Variants in PHF5A observed in about 807,000 individuals in gnomAD.
PHF5A encodes PHD finger protein 5A.
For missense variants in PHF5A, 24 were observed against 140.6 expected (o/e 0.17, Z 4.19); for synonymous variants, 52 against 46.0 (o/e 1.13, Z -0.52).
intron 3 of PHF5A, among the ~76,000 whole-genome samples, chr22:41,460,915 G>A (rs1234418357): frequency 2.0e-5 from 3 of 152,070 alleles, no homozygotes; most frequent in Non-Finnish European, 2.9e-5. Context: ...GCTCATGCCT[G>A]TAATCCCAGC....
rs754510856 is a variant in PHF5A at position 41,468,680 on chromosome 22, A to G, written c.-27T>C. The G allele has an allele frequency of 3.7e-6, 6 of 1,612,964 alleles. No homozygotes were observed. The South Asian group carries it at 6.6e-5, about 18-fold the overall frequency. On this transcript the variant is annotated 5_prime_UTR_variant, in exon 1 of 4. Transcript: ENST00000216252. The stretch of plus-strand genomic sequence containing the variant: ...GCTCCTAACTAAGCCGGCCACCGGA[A>G]GCTTCGGGAACTTCCGTCCGACCTT...
At position 41,459,907 on chromosome 22, in the gene PHF5A, C is replaced by G. The variant is rs1286291602; in HGVS notation, c.*491G>C. ...TCAAGAGGGCAGAGCCCTGCCCCCC[C>G]ACCCCCCCCCCAAAAAAAACGGGAA... On this transcript the variant is annotated 3_prime_UTR_variant, in exon 4 of 4. Transcript: ENST00000216252. 2.1e-5 allele frequency: 1 copy of G among 48,682 alleles called. No homozygotes were observed. Among genetic ancestry groups the G allele is most frequent in the South Asian group, 9.1e-4 (1 of 1,096 alleles). The allele number at this position is 48,682 out of a possible 1,614,324, so 3.0% of individuals were successfully genotyped here. A position where few individuals can be genotyped will look rare whatever the true frequency, so the allele number is the denominator to read the frequency against.
In PHF5A at chr22:41,460,235, G is replaced by C. The variant is rs1296965119; in HGVS notation, c.*163C>G. ...AAGAATCCTTTTCCATCCCTACCAC[G>C]TGTCTGGGTGAAGGGAGAGGAGGGG... On this transcript the variant is annotated 3_prime_UTR_variant, in exon 4 of 4. Coordinates refer to ENST00000216252, the MANE Select transcript of PHF5A (RefSeq NM_032758.4). 1.8e-6 allele frequency: 1 copy of C among 568,074 alleles called. No individual in the cohort carries two copies. Among genetic ancestry groups the C allele is most frequent in the Admixed American group, 2.6e-5 (1 of 38,058 alleles). The allele number at this position is 568,074 out of a possible 1,614,324, so 35.2% of individuals were successfully genotyped here.
chr22:41,463,907 A>G, intron 3 of PHF5A, among the ~76,000 whole-genome samples: 1 of 151,530 alleles, frequency 6.6e-6, no homozygotes, highest in East Asian at 1.9e-4. Flanking sequence ...AAAAAAAAAG[A>G]GTCAGACCAC....
intron 3 of PHF5A, among the ~76,000 whole-genome samples, chr22:41,461,885 T>C (rs1235486276): frequency 6.6e-6 from 1 of 152,114 alleles, no homozygotes; most frequent in African/African-American, 2.4e-5. Flanking sequence ...ATGGTCTTGA[T>C]CTCTTGACCT....
At chr22:41,466,356 A>G (rs770788164) in intron 3 of PHF5A, among the ~76,000 whole-genome samples, 19 of 152,204 alleles carry the variant, frequency 1.2e-4, no homozygotes, top group African/African-American at 1.7e-4. Context: ...GTGTCAAGGG[A>G]CAAAAAAAAT....
intron 3 of PHF5A, among the ~76,000 whole-genome samples, chr22:41,461,905 C>T (rs2146059716): frequency 6.6e-6 from 1 of 152,348 alleles, no homozygotes; most frequent in East Asian, 1.9e-4. Flanking sequence ...TCCTGATCCA[C>T]TCACCTCGGC....
intron 3 of PHF5A, among the ~76,000 whole-genome samples, chr22:41,465,338 T>C (rs1477731977): frequency 6.6e-6 from 1 of 151,984 alleles, no homozygotes; most frequent in African/African-American, 2.4e-5. Context: ...CCACCACGTA[T>C]TTTTAGTAGA....
At chr22:41,466,334 T>G (rs916355030) in intron 3 of PHF5A, among the ~76,000 whole-genome samples, 1 of 152,180 alleles carries the variant, frequency 6.6e-6, no homozygotes, top group Non-Finnish European at 1.5e-5. Context: ...AAGTAGCCAC[T>G]GCCACTACAC....
chr22:41,462,895 G>C (rs186899338), intron 3 of PHF5A, among the ~76,000 whole-genome samples: 1 of 149,492 alleles, frequency 6.7e-6, no homozygotes, highest in East Asian at 2.0e-4. Context: ...TTTTTTCTGA[G>C]GTGAAGTCTC....
chr22:41,468,281 C>T (rs1240896365), intron 1 of PHF5A, 134 bp from the exon 2 acceptor site: 15 of 804,820 alleles, frequency 1.9e-5, no homozygotes, highest in Admixed American at 2.5e-5. Context: ...GCCATTTTAT[C>T]ATTACAAATT....
chr22:41,466,499 A>G (rs2037866989), intron 3 of PHF5A, among the ~76,000 whole-genome samples: 1 of 152,184 alleles, frequency 6.6e-6, no homozygotes, highest in East Asian at 1.9e-4. Context: ...GCTTAATGAT[A>G]GATTTAAGTG....
chr22:41,468,134 C>A lies in PHF5A; in HGVS notation c.66G>T (p.Leu22=), dbSNP rs768536936. 22 of 1,613,832 alleles carry A rather than the reference C, an allele frequency of 1.4e-5. No homozygotes were observed. Among genetic ancestry groups the A allele is most frequent in the Non-Finnish European group, 1.8e-5 (21 of 1,179,924 alleles). ...RKQAGVAIGR[L]CEKCDGKCVI... ...GTGTGTTCCACTCACATTTTTCACA[C>A]AGTCTTCCGATGGCTGCAAGATGAA... Residue 22 remains leucine, a synonymous_variant, in exon 2 of 4, where the codon CTG becomes CTT. Coordinates refer to ENST00000216252, the MANE Select transcript of PHF5A (RefSeq NM_032758.4).
chr22:41,467,857 A>C (rs2037882955), intron 2 of PHF5A, among the ~76,000 whole-genome samples: 1 of 152,200 alleles, frequency 6.6e-6, no homozygotes, highest in Non-Finnish European at 1.5e-5. Flanking sequence ...GGAGATGATA[A>C]GCCTGTATAA....
At chr22:41,461,851 T>C (rs1217913606) in intron 3 of PHF5A, among the ~76,000 whole-genome samples, 1 of 152,028 alleles carries the variant, frequency 6.6e-6, no homozygotes, top group Non-Finnish European at 1.5e-5. Flanking sequence ...TTAGTAAAGA[T>C]GGGGTTTCAC....
intron 3 of PHF5A, among the ~76,000 whole-genome samples, chr22:41,462,468 T>A (rs1199215445): frequency 2.6e-5 from 4 of 152,198 alleles, no homozygotes; most frequent in South Asian, 2.1e-4. Flanking sequence ...CACTTCCATC[T>A]CTGAAGCCTG....
chr22:41,466,727 A>T (rs151114666), intron 3 of PHF5A, among the ~76,000 whole-genome samples: 124 of 152,278 alleles, frequency 8.1e-4, no homozygotes, highest in African/African-American at 3.0e-3. Context: ...GTGATGGTTC[A>T]TGCCTGTAAT....
At position 41,468,670 on chromosome 22, in the gene PHF5A, G is replaced by A. The variant is rs754215595; in HGVS notation, c.-17C>T. ...TTTAGCCATAGCTCCTAACTAAGCC[G>A]GCCACCGGAAGCTTCGGGAACTTCC... On this transcript the variant is annotated 5_prime_UTR_variant, in exon 1 of 4. Transcript: ENST00000216252. 1 of 1,613,986 alleles carries A rather than the reference G, an allele frequency of 6.2e-7. No homozygotes were observed. Among genetic ancestry groups the A allele is most frequent in the South Asian group, 1.1e-5 (1 of 91,072 alleles).
intron 2 of PHF5A, 60 bp from the exon 3 acceptor site, chr22:41,467,674 C>G: frequency 6.4e-7 from 1 of 1,566,232 alleles, no homozygotes; most frequent in Non-Finnish European, 8.8e-7. Flanking sequence ...TATCTCCTGC[C>G]ATGGGGAAAT....
Sources: gnomAD v4.1 joint callset for allele counts (sites outside exome capture counted in the v4.1 genomes callset) on GRCh38, gnomAD v4.1.1 for gene constraint, MANE v1.5 for transcripts, NCBI Gene and HGNC (gene_info 2026-07-23, HGNC 2026-07-21) for gene names.